The following P2RY14 variants were observed in gnomAD, a reference collection of about 807,000 sequenced individuals.
P2RY14 encodes P2Y purinoceptor 14.
P2RY14 carries 2 observed loss-of-function variants against 0.9 expected under a neutral mutation model. That is an observed-to-expected ratio of 2.16 (90% CI 0.88 to 6.79). The LOEUF is 6.79. Ranked by LOEUF, P2RY14 falls within the 30% of genes most tolerant of loss-of-function variation. P2RY14 has a pLI of 0.05. For missense variants in P2RY14, 378 were observed against 400.1 expected, an observed-to-expected ratio of 0.94 and a Z score of 0.47; for synonymous variants, 158 against 147.2, an observed-to-expected ratio of 1.07 and a Z score of -0.53.
intron 1 of P2RY14, among the ~76,000 whole-genome samples, chr3:151,240,172 G>A (rs567938175): frequency 6.6e-6 from 1 of 152,216 alleles, no homozygotes; most frequent in African/African-American, 2.4e-5. Flanking sequence ...TTAGAGTGTA[G>A]ATTACTTAAG....
chr3:151,226,023 TG>T (rs1478968340), intron 1 of P2RY14, among the ~76,000 whole-genome samples: 17 of 152,302 alleles, frequency 1.1e-4, no homozygotes, highest in Non-Finnish European at 1.9e-4. Context: ...CGTCAGAACA[TG>T]CTGCCATGCC....
At chr3:151,262,550 T>G (rs190429200) in intron 1 of P2RY14, among the ~76,000 whole-genome samples, 1 of 152,344 alleles carries the variant, frequency 6.6e-6, no homozygotes, top group African/African-American at 2.4e-5. Flanking sequence ...TGAAGGAAAT[T>G]TGGTGAGGCC....
intron 2 of P2RY14, among the ~76,000 whole-genome samples, chr3:151,217,988 G>A (rs1380341809): frequency 6.6e-6 from 1 of 152,046 alleles, no homozygotes; most frequent in African/African-American, 2.4e-5. Context: ...ATGAAAATCA[G>A]GACAAAATCA....
At chr3:151,273,532 C>T (rs1010978778) in intron 1 of P2RY14, among the ~76,000 whole-genome samples, 20 of 151,546 alleles carry the variant, frequency 1.3e-4, no homozygotes, top group Admixed American at 2.0e-4. Flanking sequence ...TGAGCCACTG[C>T]GCCCGGCCTG....
In P2RY14 at chr3:151,213,589, A is replaced by G; in HGVS notation, c.728T>C (p.Phe243Ser). 1 of 1,614,204 alleles carries G rather than the reference A, an allele frequency of 6.2e-7. No individual in the cohort carries two copies. The highest frequency in any genetic ancestry group is 8.5e-7 in the Non-Finnish European group (1 of 1,180,026). ...AATATGGTAAGGTACAAAACAGACA[A>G]AAAACACAAACACGATGCTGAATAT... ...RNIFSIVFVF[F>S]VCFVPYHIAR... The change falls in exon 3 of 3, where the codon TTT (phenylalanine) becomes TCT (serine). Residue 243 changes from phenylalanine (F) to serine (S), a missense_variant. Phe to Ser is a radical substitution (Grantham distance 155, BLOSUM62 -2). Transcript: ENST00000309170.
rs541290311 is a variant in P2RY14 at position 151,224,740 on chromosome 3, C to CA, written c.-132-5099dup. ...ACTCACCACACTTCTCAGAAGCTGTCAGGGACCTAATTTCTAAGCCTGTTG... is the reference window on the plus strand; with the variant it reads ...ACTCACCACACTTCTCAGAAGCTGTCAAGGGACCTAATTTCTAAGCCTGTTG... On this transcript the variant is annotated intron_variant, in intron 1 of 2. Coordinates refer to ENST00000309170, the MANE Select transcript of P2RY14 (RefSeq NM_014879.4). Among the ~76,000 whole-genome samples the CA allele has an allele frequency of 3.1e-4, 47 of 152,302 alleles. No homozygotes were observed. The East Asian group carries it at 7.7e-3, about 25-fold the overall frequency.
intron 1 of P2RY14, among the ~76,000 whole-genome samples, chr3:151,239,082 G>A (rs1733529821): frequency 6.6e-6 from 1 of 152,196 alleles, no homozygotes; most frequent in Admixed American, 6.5e-5. Flanking sequence ...TTCCGGTATT[G>A]ACACTGTGAG....
intron 1 of P2RY14, among the ~76,000 whole-genome samples, chr3:151,221,671 G>A (rs548375601): frequency 2.6e-5 from 4 of 152,320 alleles, no homozygotes; most frequent in African/African-American, 9.6e-5. Context: ...TCAAGAATTG[G>A]GGTTTGGGAA....
intron 1 of P2RY14, among the ~76,000 whole-genome samples, chr3:151,264,079 T>G (rs1739402006): frequency 6.6e-6 from 1 of 152,228 alleles, no homozygotes; most frequent in East Asian, 1.9e-4. Flanking sequence ...TAGTTCTACT[T>G]CATTTCACTG....
chr3:151,231,307 G>C (rs1731620882), intron 1 of P2RY14, among the ~76,000 whole-genome samples: 1 of 152,158 alleles, frequency 6.6e-6, no homozygotes. Flanking sequence ...AAAGCCACTG[G>C]GTGAATGGGT....
At chr3:151,247,962 C>CTTTTTTTTTTTTT (rs61102632) in intron 1 of P2RY14, among the ~76,000 whole-genome samples, 49 of 75,900 alleles carry the variant, frequency 6.5e-4, no homozygotes, top group Non-Finnish European at 7.9e-4. Flanking sequence ...TCTTCTTCTT[C>CTTTTTTTTTTTTT]TTTTTTTTTT....
intron 1 of P2RY14, among the ~76,000 whole-genome samples, chr3:151,223,708 G>A (rs1254373737): frequency 2.0e-5 from 3 of 152,186 alleles, no homozygotes; most frequent in East Asian, 1.9e-4. Context: ...AGGAAGCGGG[G>A]AAATGGTGGA....
intron 1 of P2RY14, among the ~76,000 whole-genome samples, chr3:151,277,167 G>A (rs549620631): frequency 3.1e-4 from 46 of 150,732 alleles, no homozygotes; most frequent in African/African-American, 1.0e-3. Context: ...GCCTCACAAA[G>A]TGCTGGGATT....
intron 1 of P2RY14, among the ~76,000 whole-genome samples, chr3:151,264,303 T>C (rs544283740): frequency 6.6e-6 from 1 of 152,250 alleles, no homozygotes; most frequent in African/African-American, 2.4e-5. Flanking sequence ...AAAAAGAGTT[T>C]GTGCTCACTT....
intron 1 of P2RY14, among the ~76,000 whole-genome samples, chr3:151,256,939 A>G (rs1430927072): frequency 6.6e-6 from 1 of 151,960 alleles, no homozygotes; most frequent in Non-Finnish European, 1.5e-5. Flanking sequence ...TGCCAAATCA[A>G]ATATCACTTA....
At chr3:151,217,377 A>G (rs1728442417) in intron 2 of P2RY14, among the ~76,000 whole-genome samples, 1 of 152,186 alleles carries the variant, frequency 6.6e-6, no homozygotes, top group African/African-American at 2.4e-5. Flanking sequence ...CAGATTCCTC[A>G]GGTTGCTGGG....
chr3:151,225,763 A>G (rs1171137756), intron 1 of P2RY14, among the ~76,000 whole-genome samples: 1 of 151,876 alleles, frequency 6.6e-6, no homozygotes, highest in Non-Finnish European at 1.5e-5. Context: ...ATCTTTTTTC[A>G]TTACCCACAG....
chr3:151,219,891 ACC>A (rs141293857), intron 1 of P2RY14, among the ~76,000 whole-genome samples: 60,919 of 92,618 alleles, frequency 0.66, 19,402 homozygotes, highest in South Asian at 0.73. Flanking sequence ...GGTTTATATT[ACC>A]CCCCCCCCCC....
At position 151,213,370 on chromosome 3, in the gene P2RY14, G is replaced by A. The variant is rs772610505; in HGVS notation, c.947C>T (p.Ala316Val). The A allele has an allele frequency of 2.1e-5, 34 of 1,613,696 alleles. No individual in the cohort carries two copies. The South Asian group carries it at 3.7e-4, about 18-fold the overall frequency. ...LCKKLHIPLK[A>V]QNDLDISRIK... The stretch of plus-strand genomic sequence containing the variant: ...TCTGGAAATGTCTAGGTCATTCTGA[G>A]CTTTTAATGGAATGTGCAATTTCTT... The change falls in exon 3 of 3, where the codon GCT becomes GTT. Residue 316 changes from alanine to valine, a missense_variant. By Grantham distance (64) the Ala-to-Val change is moderately conservative. Coordinates refer to ENST00000309170, the MANE Select transcript of P2RY14 (RefSeq NM_014879.4).
Sources: allele counts gnomAD v4.1 joint callset (sites outside exome capture counted in the v4.1 genomes callset), GRCh38; gene constraint gnomAD v4.1.1; transcripts MANE v1.5; gene names NCBI Gene and HGNC (gene_info 2026-07-23, HGNC 2026-07-21).